MCM8: variants seen among roughly 807,000 people sequenced by gnomAD.
The protein encoded by MCM8 is minichromosome maintenance 8 homologous recombination repair factor, also known as DNA helicase MCM8.
A neutral mutation model predicts 98.9 loss-of-function variants in MCM8; 85 were observed. That is an observed-to-expected ratio of 0.86 (90% CI 0.72 to 1.03). The LOEUF (loss-of-function observed/expected upper bound fraction) is 1.03, where lower values mean the gene tolerates loss of function less well. Among genes scored for constraint, MCM8 ranks in the 50% least tolerant of loss-of-function variants. The pLI is 0.00. For synonymous variants in MCM8, 352 were observed against 338.6 expected (o/e 1.04, Z -0.44); for missense variants, 951 against 997.8 (o/e 0.95, Z 0.63).
intron 17 of MCM8, among the ~76,000 whole-genome samples, 193 bp downstream of exon 17, chr20:5,987,551 A>C (rs2089758975): frequency 2.0e-5 from 3 of 152,186 alleles, no homozygotes; most frequent in Non-Finnish European, 4.4e-5. Context: ...TTTTTGAATG[A>C]GTAATACATT....
In MCM8 at chr20:5,995,323, A is replaced by T. The variant is rs1832902136; in HGVS notation, c.*932A>T. The T allele has an allele frequency of 6.6e-6, 1 of 152,238 alleles. No individual in the cohort carries two copies. The highest frequency in any genetic ancestry group is 2.1e-4 in the South Asian group (1 of 4,828). 9.4% of individuals were successfully genotyped at this position (152,238 alleles called of 1,614,324 possible). A position where few individuals can be genotyped will look rare whatever the true frequency, so the allele number is the denominator to read the frequency against. Reference sequence around the variant, plus strand: ...TTTTTGAAAGAATTTTGTTTGGCTCACGGAATTATTAGAAGGCAGGTGAAC... The same window carrying T: ...TTTTTGAAAGAATTTTGTTTGGCTCTCGGAATTATTAGAAGGCAGGTGAAC... On this transcript the variant is annotated 3_prime_UTR_variant, in exon 19 of 19. Coordinates refer to ENST00000610722, the MANE Select transcript of MCM8 (RefSeq NM_032485.6).
rs777881401 is a variant in MCM8, at chr20:5,955,165, G to A, written c.400G>A (p.Val134Ile). 3.7e-6 allele frequency: 6 copies of A among 1,613,290 alleles called. No homozygotes were observed. The African/African-American group carries it at 4.0e-5, about 11-fold the overall frequency. Residue 134 changes from valine to isoleucine, a missense_variant, in exon 5 of 19, where the codon GTA becomes ATA. By Grantham distance (29) the Val-to-Ile change is conservative (BLOSUM62 3). Coordinates refer to ENST00000610722, the MANE Select transcript of MCM8 (RefSeq NM_032485.6). ...DFKELTEGGE[V>I]TNLIPDIATE... The stretch of plus-strand genomic sequence containing the variant: ...TAAAGAACTGACAGAAGGTGGTGAA[G>A]TAACTAACTTGATACCAGATATAGC...
chr20:5,967,463 G>A lies in MCM8; in HGVS notation c.903G>A (p.Gln301=), dbSNP rs1600264013. The stretch of plus-strand genomic sequence containing the variant: ...TCCAGGAATTGATGTCTGATGATCA[G>A]AGAGAAGCAGGTCGGATTCCACGAA... ...IKIQELMSDD[Q]REAGRIPRTI... The change falls in exon 9 of 19, where the codon CAG becomes CAA. Residue 301 remains glutamine, a synonymous_variant. Transcript: ENST00000610722. 1.9e-6 allele frequency: 3 copies of A among 1,613,962 alleles called. No individual in the cohort carries two copies. The highest frequency in any genetic ancestry group is 2.5e-6 in the Non-Finnish European group (3 of 1,179,922).
At chr20:5,974,559 C>G (rs534502874) in intron 12 of MCM8, among the ~76,000 whole-genome samples, 16 of 152,328 alleles carry the variant, frequency 1.1e-4, no homozygotes, top group Admixed American at 7.2e-4. Context: ...GGGATCCTGG[C>G]TGCACATCTT....
chr20:5,968,117 G>A (rs2089318675), intron 10 of MCM8, 92 bp downstream of exon 10: 4 of 990,584 alleles, frequency 4.0e-6, no homozygotes, highest in South Asian at 3.2e-5. Flanking sequence ...AAAATGGTCG[G>A]CAAACTACAG....
intron 7 of MCM8, among the ~76,000 whole-genome samples, chr20:5,960,883 C>T (rs2089125472): frequency 6.6e-6 from 1 of 152,140 alleles, no homozygotes; most frequent in Non-Finnish European, 1.5e-5. Context: ...TGCAGTGAGC[C>T]GAGATCACGC....
rs150257637 is a variant in MCM8 at position 5,985,980 on chromosome 20, G to T, written c.2012G>T (p.Gly671Val). 740 of 1,614,202 alleles carry T rather than the reference G, an allele frequency of 4.6e-4. 3 individuals carry two copies. The highest frequency in any genetic ancestry group is 2.6e-3 in the Middle Eastern group (16 of 6,062). The part of the protein sequence containing the change: ...IPHQLLRKYI[G>V]YARQYVYPRL... ...CACCAGCTATTGAGAAAGTACATTG[G>T]CTATGCTCGGCAGTATGTGTACCCA... Residue 671 changes from glycine to valine, a missense_variant, in exon 16 of 19, where the codon GGC (glycine) becomes GTC (valine). Gly to Val is a moderately radical substitution (Grantham distance 109). Coordinates refer to ENST00000610722, the MANE Select transcript of MCM8 (RefSeq NM_032485.6).
rs747346444 is a variant in MCM8 at position 5,986,072 on chromosome 20, A to T, written c.2104A>T (p.Arg702Trp). ...CCTTGAGCTCCGGAAACAGAGCCAG[A>T]GGTTAAATAGCTCACCAATCACTAC... ...FYLELRKQSQ[R>W]LNSSPITTRQ... The change falls in exon 16 of 19, where the codon AGG becomes TGG. Residue 702 changes from arginine to tryptophan, a missense_variant. Transcript: ENST00000610722. The T allele has an allele frequency of 1.1e-5, 17 of 1,614,086 alleles. No individual in the cohort carries two copies. Among genetic ancestry groups the T allele is most frequent in the Non-Finnish European group, 1.4e-5 (16 of 1,180,044 alleles).
chr20:5,954,569 G>T, intron 3 of MCM8, 39 bp from the exon 4 acceptor site: 2 of 1,168,682 alleles, frequency 1.7e-6, no homozygotes, highest in African/African-American at 1.5e-5. Context: ...GCATGTACCT[G>T]TGTGATTATT....
At chr20:5,969,135 T>C (rs1291673290) in intron 10 of MCM8, among the ~76,000 whole-genome samples, 1 of 152,248 alleles carries the variant, frequency 6.6e-6, no homozygotes, top group East Asian at 1.9e-4. Context: ...TGGGATTTTA[T>C]AATGTACTTA....
chr20:5,950,716 T>A lies in MCM8; in HGVS notation c.-313T>A, dbSNP rs1361661979. 1 of 267,874 alleles carries A rather than the reference T, an allele frequency of 3.7e-6. No homozygotes were observed. Among genetic ancestry groups the A allele is most frequent in the Non-Finnish European group, 7.2e-6 (1 of 139,806 alleles). 16.6% of individuals were successfully genotyped at this position (267,874 alleles called of 1,614,324 possible). Reference sequence around the variant, plus strand: ...ATTTAGGGGAAGACCTGATTTTCGCTTGAGGCATTTTTGCGGCGCTGTGCG... The same window carrying A: ...ATTTAGGGGAAGACCTGATTTTCGCATGAGGCATTTTTGCGGCGCTGTGCG... On this transcript the variant is annotated 5_prime_UTR_variant, in exon 1 of 19. In the 5' UTR this introduces an upstream ATG that the reference lacks. Coordinates refer to ENST00000610722, the MANE Select transcript of MCM8 (RefSeq NM_032485.6).
chr20:5,986,631 G>T (rs1361643121), intron 16 of MCM8, among the ~76,000 whole-genome samples: 4 of 152,156 alleles, frequency 2.6e-5, no homozygotes, highest in Non-Finnish European at 5.9e-5. Context: ...CCTAAAATCT[G>T]ATTAATTCTT....
chr20:5,955,419 G>A (rs936207872), intron 5 of MCM8, among the ~76,000 whole-genome samples, 168 bp downstream of exon 5: 2 of 152,300 alleles, frequency 1.3e-5, no homozygotes, highest in Middle Eastern at 3.4e-3. Flanking sequence ...TTGCAGTTCC[G>A]TTCTGAAAGA....
Position 5,957,213 on chromosome 20 carries a change from C to T in MCM8, c.574C>T (p.Pro192Ser), listed in dbSNP as rs746630122. ...SNDGETMVNV[P>S]HIHARVYNYE... ...TGATGGAGAAACAATGGTAAATGTGCCACATATTCATGCAAGGTGAGGAAT... is the reference window on the plus strand; with the variant it reads ...TGATGGAGAAACAATGGTAAATGTGTCACATATTCATGCAAGGTGAGGAAT... The change falls in exon 6 of 19, where the codon CCA (proline) becomes TCA (serine). Residue 192 changes from proline to serine, a missense_variant. Transcript: ENST00000610722. 1.1e-5 allele frequency: 17 copies of T among 1,612,184 alleles called. No individual in the cohort carries two copies. Among genetic ancestry groups the T allele is most frequent in the Non-Finnish European group, 1.4e-5 (17 of 1,179,000 alleles).
chr20:5,988,180 G>T (rs536569881), intron 17 of MCM8, among the ~76,000 whole-genome samples: 9 of 151,950 alleles, frequency 5.9e-5, no homozygotes, highest in Admixed American at 4.6e-4. Context: ...AAAAGTATAG[G>T]CCAGGTATGG....
At chr20:5,952,348 G>A (rs1045466090) in intron 2 of MCM8, 76 bp from the exon 3 acceptor site, 32 of 1,568,560 alleles carry the variant, frequency 2.0e-5, no homozygotes, top group Non-Finnish European at 2.6e-5. Flanking sequence ...ATTAATGAGA[G>A]TCTCATTTGG....
intron 7 of MCM8, among the ~76,000 whole-genome samples, chr20:5,960,683 C>T (rs1161521246): frequency 6.6e-6 from 1 of 152,164 alleles, no homozygotes; most frequent in Non-Finnish European, 1.5e-5. Context: ...TGCCTGTAAT[C>T]TCAGCACTTT....
chr20:5,960,834 C>T (rs1013525342), intron 7 of MCM8, among the ~76,000 whole-genome samples: 6 of 152,292 alleles, frequency 3.9e-5, no homozygotes, highest in Admixed American at 3.9e-4. Flanking sequence ...ACTCGGGAGG[C>T]TGAGGCCGGA....
At chr20:5,972,069 G>C (rs771395110) in intron 11 of MCM8, 32 bp downstream of exon 11, 1 of 1,556,200 alleles carries the variant, frequency 6.4e-7, no homozygotes, top group East Asian at 2.3e-5. Flanking sequence ...TACTCAAAAA[G>C]TATATAAGGT....
Sources: allele counts gnomAD v4.1 joint callset (sites outside exome capture counted in the v4.1 genomes callset), GRCh38; gene constraint gnomAD v4.1.1; transcripts MANE v1.5; gene names NCBI Gene and HGNC (gene_info 2026-07-23, HGNC 2026-07-21).